Variants in SEZ6L observed in about 807,000 individuals in gnomAD.
The protein encoded by SEZ6L is seizure related 6 homolog like, also known as seizure 6-like protein.
In SEZ6L, 37 loss-of-function variants were observed where a neutral mutation model predicts 106.2. That is an observed-to-expected ratio of 0.35 (90% CI 0.27 to 0.46). The LOEUF (loss-of-function observed/expected upper bound fraction) is 0.46, where lower values mean the gene tolerates loss of function less well. Ranked by LOEUF, SEZ6L falls within the 20% of genes least tolerant of loss-of-function variation. The pLI is 1.00. For missense variants in SEZ6L, 1,172 were observed against 1,332.8 expected (o/e 0.88, Z 1.88); for synonymous variants, 541 against 570.4 (o/e 0.95, Z 0.73).
Position 26,169,591 on chromosome 22 carries a change from T to C in SEZ6L, c.-79T>C, listed in dbSNP as rs1029923992. 4.0e-6 allele frequency: 2 copies of C among 499,560 alleles called. No individual in the cohort carries two copies. Among genetic ancestry groups the C allele is most frequent in the Admixed American group, 4.4e-5 (1 of 22,560 alleles). 30.9% of individuals were successfully genotyped at this position (499,560 alleles called of 1,614,324 possible). A position where few individuals can be genotyped will look rare whatever the true frequency, so the allele number is the denominator to read the frequency against. ...CTCGCTCCCGCTTCCCCTTTCTCGCTCACCGCCGCCCTCCTTCCCCAGCTC... is the reference window on the plus strand; with the variant it reads ...CTCGCTCCCGCTTCCCCTTTCTCGCCCACCGCCGCCCTCCTTCCCCAGCTC... On this transcript the variant is annotated 5_prime_UTR_variant, in exon 1 of 17. Transcript: ENST00000248933.
At chr22:26,208,846 CTCTCTGTGTGTGTGTGTGTGTGTG>C (rs1941435630) in intron 1 of SEZ6L, among the ~76,000 whole-genome samples, 1 of 118,110 alleles carries the variant, frequency 8.5e-6, no homozygotes, top group Non-Finnish European at 1.7e-5. Flanking sequence ...TCTTGACTCT[CTCTCTGTGTGTGTGTGTGTGTGTG>C]TGTGTGTGTG....
chr22:26,231,140 T>C (rs902647868), intron 1 of SEZ6L, among the ~76,000 whole-genome samples: 228 of 152,202 alleles, frequency 1.5e-3, no homozygotes, highest in Non-Finnish European at 3.1e-4. Flanking sequence ...TACCCCATAA[T>C]AGTGTGCCCA....
intron 6 of SEZ6L, among the ~76,000 whole-genome samples, chr22:26,306,807 T>G (rs590465): frequency 0.21 from 31,767 of 152,154 alleles, 3,696 homozygotes; most frequent in Non-Finnish European, 0.26. Context: ...TATTCTGGCG[T>G]CTTATTCTAG....
Position 26,375,628 on chromosome 22 carries a change from A to G in SEZ6L, c.2881A>G (p.Ile961Val), listed in dbSNP as rs777496076. Reference sequence around the variant, plus strand: ...GGAAGGGGGGAACATGGCCCTGGCTATCTTCATCCCGGTCCTCATCATCTC... The same window carrying G: ...GGAAGGGGGGAACATGGCCCTGGCTGTCTTCATCCCGGTCCTCATCATCTC... ...SLEGGNMALA[I>V]FIPVLIISLL... The change falls in exon 15 of 17, where the codon ATC becomes GTC. Residue 961 changes from isoleucine to valine, a missense_variant. By Grantham distance (29) the Ile-to-Val change is conservative. Transcript: ENST00000248933. 1 of 1,614,158 alleles carries G rather than the reference A, an allele frequency of 6.2e-7. No homozygotes were observed. The highest frequency in any genetic ancestry group is 8.5e-7 in the Non-Finnish European group (1 of 1,180,022).
chr22:26,179,172 T>A (rs1939220152), intron 1 of SEZ6L, among the ~76,000 whole-genome samples: 1 of 152,090 alleles, frequency 6.6e-6, no homozygotes, highest in African/African-American at 2.4e-5. Flanking sequence ...GAGGATCACT[T>A]GAGGCCAGGA....
intron 1 of SEZ6L, among the ~76,000 whole-genome samples, chr22:26,182,617 C>T (rs1216547502): frequency 1.3e-5 from 2 of 151,724 alleles, no homozygotes; most frequent in African/African-American, 4.8e-5. Context: ...AGGAAAGGGG[C>T]CCTGGTGTAT....
intron 1 of SEZ6L, among the ~76,000 whole-genome samples, chr22:26,292,050 A>AGG: frequency 6.7e-6 from 1 of 150,202 alleles, no homozygotes; most frequent in African/African-American, 2.5e-5. Flanking sequence ...GATGGAAGGA[A>AGG]AGAAGGAAGG....
At chr22:26,295,710 C>A (rs1214591951) in intron 3 of SEZ6L, among the ~76,000 whole-genome samples, 1 of 152,120 alleles carries the variant, frequency 6.6e-6, no homozygotes, top group Admixed American at 6.5e-5. Context: ...CAGTAGAGTT[C>A]ATTCATTGAG....
At chr22:26,293,461 G>C (rs2081203947) in intron 2 of SEZ6L, among the ~76,000 whole-genome samples, 1 of 152,190 alleles carries the variant, frequency 6.6e-6, no homozygotes, top group South Asian at 2.1e-4. Context: ...CTCTTGAGTA[G>C]CTGGGACTAC....
At chr22:26,238,802 G>T (rs2079027403) in intron 1 of SEZ6L, among the ~76,000 whole-genome samples, 1 of 152,202 alleles carries the variant, frequency 6.6e-6, no homozygotes, top group Non-Finnish European at 1.5e-5. Flanking sequence ...AAGGAACCAT[G>T]ATTCAAACCA....
intron 1 of SEZ6L, among the ~76,000 whole-genome samples, chr22:26,214,903 A>C (rs755794750): frequency 2.6e-5 from 4 of 152,254 alleles, no homozygotes; most frequent in Non-Finnish European, 5.9e-5. Flanking sequence ...AAATGACTAC[A>C]TAAAGGAATA....
At chr22:26,325,249 G>A (rs1244117266) in intron 9 of SEZ6L, among the ~76,000 whole-genome samples, 1 of 152,184 alleles carries the variant, frequency 6.6e-6, no homozygotes, top group East Asian at 1.9e-4. Flanking sequence ...GGTATGGTGT[G>A]GATACAGAGA....
At chr22:26,352,635 C>T (rs996454387) in intron 12 of SEZ6L, among the ~76,000 whole-genome samples, 4 of 152,196 alleles carry the variant, frequency 2.6e-5, no homozygotes, top group African/African-American at 9.7e-5. Context: ...GACGAGCAAA[C>T]TGCAGAAAGG....
At chr22:26,359,075 AGG>A (rs967293332) in intron 12 of SEZ6L, among the ~76,000 whole-genome samples, 3 of 152,244 alleles carry the variant, frequency 2.0e-5, no homozygotes, top group African/African-American at 7.2e-5. Context: ...AACTCACTCA[AGG>A]TGGTGCAGCA....
At chr22:26,325,111 G>A (rs1443650298) in intron 9 of SEZ6L, among the ~76,000 whole-genome samples, 1 of 152,184 alleles carries the variant, frequency 6.6e-6, no homozygotes, top group East Asian at 1.9e-4. Flanking sequence ...TTGTTCCCAT[G>A]GTGATTGGCC....
chr22:26,302,043 A>G (rs898314156), intron 5 of SEZ6L, among the ~76,000 whole-genome samples: 2 of 152,206 alleles, frequency 1.3e-5, no homozygotes, highest in Non-Finnish European at 2.9e-5. Context: ...CAAGGTGGAC[A>G]ATATCTACTA....
chr22:26,183,642 C>T (rs549366372), intron 1 of SEZ6L, among the ~76,000 whole-genome samples: 9 of 152,314 alleles, frequency 5.9e-5, no homozygotes, highest in Admixed American at 3.9e-4. Context: ...AGAACTCCAA[C>T]GGGGCCTGCT....
At chr22:26,211,174 G>T (rs960734258) in intron 1 of SEZ6L, among the ~76,000 whole-genome samples, 1 of 152,146 alleles carries the variant, frequency 6.6e-6, no homozygotes, top group Non-Finnish European at 1.5e-5. Flanking sequence ...GGAGCCAACC[G>T]GGTCTGTACT....
rs554948285 is a variant in SEZ6L at position 26,275,156 on chromosome 22, A to G, written c.95-17250A>G. 7.9e-5 allele frequency among the ~76,000 whole-genome samples: 12 copies of G among 152,362 alleles called. No individual in the cohort carries two copies. The South Asian group carries it at 1.2e-3, about 16-fold the overall frequency. On this transcript the variant is annotated intron_variant, in intron 1 of 16. Transcript: ENST00000248933. ...CTGAGTTAATCCTTTACTGCACAGC[A>G]GTATACAGATGGTCCCCAACTTACG...
Sources: gnomAD v4.1 joint callset for allele counts (sites outside exome capture counted in the v4.1 genomes callset) on GRCh38, gnomAD v4.1.1 for gene constraint, MANE v1.5 for transcripts, NCBI Gene and HGNC (gene_info 2026-07-23, HGNC 2026-07-21) for gene names.